Variants in FAM178B observed in about 807,000 individuals in gnomAD.
The protein encoded by FAM178B is family with sequence similarity 178 member B.
In FAM178B, 82 loss-of-function variants were observed where a neutral mutation model predicts 91.7. The ratio of observed to expected loss-of-function variants is 0.89; its 90% CI spans 0.75 to 1.07. The LOEUF is 1.07. Ranked by LOEUF, FAM178B falls within the 50% of genes least tolerant of loss-of-function variation. The pLI is 0.00. For missense variants in FAM178B, 769 were observed against 846.7 expected, an observed-to-expected ratio of 0.91 and a Z score of 1.14; for synonymous variants, 368 against 359.4, an observed-to-expected ratio of 1.02 and a Z score of -0.27.
Position 96,986,558 on chromosome 2 carries a change from TGGGGAGCTCGCCGG to T in FAM178B, c.-259_-246del. On this transcript the variant is annotated 5_prime_UTR_variant, in exon 1 of 17. Transcript: ENST00000490605. ...GCTCACAGCCGCCGCCGCCGCCAGC[TGGGGAGCTCGCCGG>T]CCAAGTGCGCACCCTCTTCCTGTTA... The T allele has an allele frequency of 2.0e-6, 1 of 509,570 alleles. No homozygotes were observed. Among genetic ancestry groups the T allele is most frequent in the East Asian group, 3.8e-5 (1 of 26,422 alleles). The allele number at this position is 509,570 out of a possible 1,614,324, so 31.6% of individuals were successfully genotyped here.
intron 8 of FAM178B, among the ~76,000 whole-genome samples, chr2:96,946,122 T>A (rs1298377770): frequency 1.3e-5 from 2 of 152,150 alleles, no homozygotes; most frequent in East Asian, 3.8e-4. Context: ...CATATACGTG[T>A]TTGTTCTTTT....
chr2:96,968,525 C>G (rs1261366360), intron 4 of FAM178B, among the ~76,000 whole-genome samples: 2 of 152,086 alleles, frequency 1.3e-5, no homozygotes, highest in East Asian at 3.9e-4. Flanking sequence ...CTAACATTTT[C>G]TCTCCACCCC....
chr2:96,941,031 G>T (rs1574279876), intron 8 of FAM178B, among the ~76,000 whole-genome samples: 2 of 152,188 alleles, frequency 1.3e-5, no homozygotes, highest in East Asian at 3.8e-4. Context: ...GGCACTGGAG[G>T]TAATTTCAGA....
intron 7 of FAM178B, among the ~76,000 whole-genome samples, chr2:96,950,376 C>A (rs2081905067): frequency 6.6e-6 from 1 of 152,188 alleles, no homozygotes; most frequent in African/African-American, 2.4e-5. Context: ...GCCCCAGAAG[C>A]TGCATGTCTT....
chr2:96,880,643 G>A (rs2080357147), intron 14 of FAM178B, among the ~76,000 whole-genome samples: 1 of 151,822 alleles, frequency 6.6e-6, no homozygotes, highest in Admixed American at 6.6e-5. Context: ...TGCCCAGGCT[G>A]TAGTGCAGTG....
intron 4 of FAM178B, 60 bp downstream of exon 4, chr2:96,970,656 G>A (rs1040268268): frequency 1.4e-5 from 19 of 1,336,406 alleles, no homozygotes; most frequent in African/African-American, 1.0e-4. Flanking sequence ...AGTGAGTCCC[G>A]GGACTGCTGC....
At chr2:96,967,466 T>G (rs904764601) in intron 5 of FAM178B, 54 bp downstream of exon 5, 1 of 1,133,028 alleles carries the variant, frequency 8.8e-7, no homozygotes, top group African/African-American at 1.5e-5. Flanking sequence ...CCAGAGGGGG[T>G]TGGCACCTCA....
In FAM178B at chr2:96,883,808, C is replaced by T. The variant is rs1399305234; in HGVS notation, c.1777-5315G>A. Among the ~76,000 whole-genome samples the T allele has an allele frequency of 2.0e-5, 3 of 152,294 alleles. No individual in the cohort carries two copies. The East Asian group carries it at 5.8e-4, about 29-fold the overall frequency. Reference sequence around the variant, plus strand: ...GATTCTGGCCTGGGGTACCAGGAGCCAGGGGGGGTCCTCTTGCTTTCTCCT... The same window carrying T: ...GATTCTGGCCTGGGGTACCAGGAGCTAGGGGGGGTCCTCTTGCTTTCTCCT... On this transcript the variant is annotated intron_variant, in intron 14 of 16. Coordinates refer to ENST00000490605, the MANE Select transcript of FAM178B (RefSeq NM_001122646.3).
In FAM178B at chr2:96,986,118, A is replaced by G. The variant is rs1246201358; in HGVS notation, c.73+123T>C. Reference sequence around the variant, plus strand: ...GCAGGAACCTGAAAAGCGCCAGAGTAGCCCGGCGGCCGCACCGGGGCTGAC... The same window carrying G: ...GCAGGAACCTGAAAAGCGCCAGAGTGGCCCGGCGGCCGCACCGGGGCTGAC... On this transcript the variant is annotated intron_variant, in intron 1 of 16. Coordinates refer to ENST00000490605, the MANE Select transcript of FAM178B (RefSeq NM_001122646.3). 2.7e-6 allele frequency: 4 copies of G among 1,473,606 alleles called. No individual in the cohort carries two copies. In the African/African-American group the frequency reaches 5.7e-5, roughly 21 times the overall value. The allele number at this position is 1,473,606 out of a possible 1,614,324, so 91.3% of individuals were successfully genotyped here. A position where few individuals can be genotyped will look rare whatever the true frequency, so the allele number is the denominator to read the frequency against.
intron 8 of FAM178B, among the ~76,000 whole-genome samples, chr2:96,935,822 CAG>C (rs2081615789): frequency 2.0e-5 from 3 of 151,142 alleles, no homozygotes; most frequent in South Asian, 2.1e-4. Context: ...TTTTAGTAGA[CAG>C]GGGGTTTCAC....
intron 8 of FAM178B, among the ~76,000 whole-genome samples, chr2:96,933,199 C>T (rs1252061169): frequency 1.3e-5 from 2 of 151,530 alleles, no homozygotes; most frequent in Non-Finnish European, 2.9e-5. Context: ...GCCGAGATCG[C>T]GCCACTGCAC....
chr2:96,983,415 C>G (rs1002802285), intron 1 of FAM178B, among the ~76,000 whole-genome samples: 1 of 152,150 alleles, frequency 6.6e-6, no homozygotes, highest in African/African-American at 2.4e-5. Flanking sequence ...TGTTCTTGAA[C>G]TTCACATACA....
At chr2:96,949,865 A>T in intron 7 of FAM178B, 1 of 504,114 alleles carries the variant, frequency 2.0e-6, no homozygotes, top group Non-Finnish European at 2.6e-6. Context: ...TGTCCCACTT[A>T]ACTCCACATG....
At chr2:96,926,258 C>T (rs1299645637) in intron 9 of FAM178B, among the ~76,000 whole-genome samples, 1 of 152,086 alleles carries the variant, frequency 6.6e-6, no homozygotes, top group Non-Finnish European at 1.5e-5. Flanking sequence ...GCCGAGATGG[C>T]ATCACTGCAC....
At chr2:96,889,460 C>T (rs967112808) in intron 14 of FAM178B, among the ~76,000 whole-genome samples, 13 of 152,084 alleles carry the variant, frequency 8.5e-5, no homozygotes, top group Non-Finnish European at 1.5e-4. Flanking sequence ...AGGTGGATCA[C>T]CTGAGGTCAG....
At chr2:96,885,899 G>A (rs964038880) in intron 14 of FAM178B, among the ~76,000 whole-genome samples, 1 of 152,234 alleles carries the variant, frequency 6.6e-6, no homozygotes, top group African/African-American at 2.4e-5. Flanking sequence ...GTGCATATGT[G>A]TCAGTGTGCG....
intron 8 of FAM178B, among the ~76,000 whole-genome samples, chr2:96,931,245 C>T (rs1374519032): frequency 6.6e-6 from 1 of 152,136 alleles, no homozygotes; most frequent in African/African-American, 2.4e-5. Context: ...CCTGAGGACC[C>T]ACTTCAGCAC....
chr2:96,964,612 T>C (rs2082121570), intron 5 of FAM178B, among the ~76,000 whole-genome samples: 2 of 140,700 alleles, frequency 1.4e-5, no homozygotes, highest in East Asian at 2.0e-4. Flanking sequence ...GTCACTACCA[T>C]TGGCCTACAG....
intron 5 of FAM178B, among the ~76,000 whole-genome samples, chr2:96,963,401 T>C (rs1308357820): frequency 6.6e-6 from 1 of 152,226 alleles, no homozygotes; most frequent in Admixed American, 6.5e-5. Flanking sequence ...CCTTTGGCCC[T>C]AAACACGCTA....
Sources: gnomAD v4.1 joint callset for allele counts (sites outside exome capture counted in the v4.1 genomes callset) on GRCh38, gnomAD v4.1.1 for gene constraint, MANE v1.5 for transcripts, NCBI Gene and HGNC (gene_info 2026-07-23, HGNC 2026-07-21) for gene names.